Variants in STOML3 observed in about 807,000 individuals in gnomAD.
The protein encoded by STOML3 is stomatin like 3.
Under a neutral mutation model 29.5 loss-of-function variants are expected in STOML3, and 31 were observed. The ratio of observed to expected loss-of-function variants is 1.05; its 90% CI spans 0.79 to 1.42. The LOEUF is 1.42. STOML3 is among the 40% of genes most tolerant of loss of function. The pLI, the probability that STOML3 is intolerant of heterozygous loss-of-function variation, is 0.00. For missense variants in STOML3, 380 were observed against 363.0 expected, an observed-to-expected ratio of 1.05 and a Z score of -0.38; for synonymous variants, 122 against 139.8, an observed-to-expected ratio of 0.87 and a Z score of 0.90.
At chr13:38,970,040 C>T (rs1031510524) in intron 5 of STOML3, 145 bp downstream of exon 5, 2 of 597,078 alleles carry the variant, frequency 3.3e-6, no homozygotes, top group African/African-American at 3.7e-5. Flanking sequence ...ACAACTGAAG[C>T]TCACCTCTAG....
Position 38,968,452 on chromosome 13 carries a change from A to G in STOML3, c.599T>C (p.Leu200Ser), listed in dbSNP as rs777736935. Residue 200 changes from leucine (L) to serine (S), a missense_variant, in exon 6 of 7, where the codon TTG (leucine) becomes TCG (serine). By Grantham distance (145) the Leu-to-Ser change is moderately radical. Coordinates refer to ENST00000379631, the MANE Select transcript of STOML3 (RefSeq NM_145286.3). ...EIKDVRIPVQLQRSMAAEAEA... is the reference protein window; with the variant it reads ...EIKDVRIPVQSQRSMAAEAEA... ...AGCCTCGGCTGCCATGGATCTCTGCAACTGCACGGGAATCCGAACATCTTT... is the reference window on the plus strand; with the variant it reads ...AGCCTCGGCTGCCATGGATCTCTGCGACTGCACGGGAATCCGAACATCTTT... The G allele has an allele frequency of 2.2e-5, 36 of 1,613,988 alleles. No individual in the cohort carries two copies. The East Asian group carries it at 7.8e-4, about 35-fold the overall frequency.
At chr13:38,975,304 GA>G (rs1881031157) in intron 3 of STOML3, among the ~76,000 whole-genome samples, 1 of 147,064 alleles carries the variant, frequency 6.8e-6, no homozygotes, top group Non-Finnish European at 1.5e-5. Context: ...CTGGGCGACA[GA>G]GCGAGACTCT....
Position 38,972,581 on chromosome 13 carries a change from G to A in STOML3, c.243C>T (p.Val81=), listed in dbSNP as rs1880915796. ...TGACAAACACATCTATGCATGGCAG[G>A]ACCAGGATCAAACCTATGAGAGAAA... ...DKAKGPGLIL[V]LPCIDVFVKV... Residue 81 remains valine (V), a synonymous_variant, in exon 4 of 7, where the codon GTC becomes GTT. Transcript: ENST00000379631. The A allele has an allele frequency of 1.2e-6, 2 of 1,613,896 alleles. No individual in the cohort carries two copies. Among genetic ancestry groups the A allele is most frequent in the Non-Finnish European group, 8.5e-7 (1 of 1,179,906 alleles).
At chr13:38,988,650 TTA>T (rs1468121661) in intron 1 of STOML3, among the ~76,000 whole-genome samples, 6 of 135,170 alleles carry the variant, frequency 4.4e-5, no homozygotes, top group South Asian at 2.1e-4. Flanking sequence ...ATCATATATT[TTA>T]TATATATTAT....
chr13:38,976,873 C>T, intron 1 of STOML3, 76 bp from the exon 2 acceptor site: 1 of 1,263,400 alleles, frequency 7.9e-7, no homozygotes, highest in Non-Finnish European at 1.1e-6. Context: ...GGGTGTGGAA[C>T]CTATCCAGAC....
At chr13:38,984,024 C>A (rs1398336703) in intron 1 of STOML3, among the ~76,000 whole-genome samples, 2 of 152,160 alleles carry the variant, frequency 1.3e-5, no homozygotes, top group African/African-American at 4.8e-5. Context: ...AGGCATCCCC[C>A]CCCACAGCAG....
chr13:38,987,677 A>G (rs577540399), intron 1 of STOML3, among the ~76,000 whole-genome samples: 1 of 138,512 alleles, frequency 7.2e-6, no homozygotes, highest in South Asian at 2.1e-4. Context: ...TTTTTAATAT[A>G]TATTATATAT....
chr13:38,966,689 T>A lies in STOML3; in HGVS notation c.*136A>T. On this transcript the variant is annotated 3_prime_UTR_variant, in exon 7 of 7. Transcript: ENST00000379631. ...TTCTCTGTATAGCCTCTAGAGCTTT[T>A]TCCTGCCAATGCTCTTCCATCTATG... The A allele has an allele frequency of 1.3e-6, 1 of 752,252 alleles. No individual in the cohort carries two copies. The highest frequency in any genetic ancestry group is 1.8e-5 in the South Asian group (1 of 55,888). 46.6% of individuals were successfully genotyped at this position (752,252 alleles called of 1,614,324 possible).
At chr13:38,967,287 A>G (rs1880692864) in intron 6 of STOML3, among the ~76,000 whole-genome samples, 1 of 152,124 alleles carries the variant, frequency 6.6e-6, no homozygotes, top group African/African-American at 2.4e-5. Context: ...TTTATCATCA[A>G]ACAAAAATAA....
At chr13:38,985,824 A>AGT (rs2138025401) in intron 1 of STOML3, among the ~76,000 whole-genome samples, 1 of 151,520 alleles carries the variant, frequency 6.6e-6, no homozygotes, top group Non-Finnish European at 1.5e-5. Flanking sequence ...AGTATATAGA[A>AGT]GTATATATAT....
chr13:38,976,662 T>C (rs1881088413), intron 2 of STOML3, 32 bp downstream of exon 2: 2 of 1,613,834 alleles, frequency 1.2e-6, no homozygotes, highest in Non-Finnish European at 1.7e-6. Flanking sequence ...TCAGTTCATA[T>C]AGATAGCCCA....
At chr13:38,984,084 C>T (rs899279926) in intron 1 of STOML3, among the ~76,000 whole-genome samples, 1 of 152,138 alleles carries the variant, frequency 6.6e-6, no homozygotes, top group Non-Finnish European at 1.5e-5. Flanking sequence ...GCCACAACCA[C>T]AAGGCTGCCA....
At position 38,973,084 on chromosome 13, in the gene STOML3, C is replaced by T. The variant is rs1281917711; in HGVS notation, c.230-490G>A. On this transcript the variant is annotated intron_variant, in intron 3 of 6. Transcript: ENST00000379631. ...GACCAGCCTGGCCAACATGGTGAAG[C>T]CCCGTCTCTACTAAAAAAAAAAAAA... Among the ~76,000 whole-genome samples, 9 of 130,394 alleles carry T rather than the reference C, an allele frequency of 6.9e-5. No individual in the cohort carries two copies. In the East Asian group the frequency reaches 2.1e-3, roughly 30 times the overall value. The allele number at this position is 130,394 out of a possible 152,430, so 85.5% of individuals were successfully genotyped here.
At chr13:38,977,845 C>T (rs879535081) in intron 1 of STOML3, among the ~76,000 whole-genome samples, 4 of 149,682 alleles carry the variant, frequency 2.7e-5, no homozygotes, top group Non-Finnish European at 4.4e-5. Context: ...CTGCAAGCTC[C>T]GCCTCCCGGG....
chr13:38,986,933 T>C (rs1025183379), intron 1 of STOML3, among the ~76,000 whole-genome samples: 2 of 152,120 alleles, frequency 1.3e-5, no homozygotes, highest in Non-Finnish European at 1.5e-5. Context: ...TTCTTTTGCA[T>C]GTTAATTTTG....
At chr13:38,984,032 C>T (rs1236155587) in intron 1 of STOML3, among the ~76,000 whole-genome samples, 1 of 152,144 alleles carries the variant, frequency 6.6e-6, no homozygotes, top group Non-Finnish European at 1.5e-5. Flanking sequence ...CCCCCCACAG[C>T]AGCTTCCTCA....
intron 1 of STOML3, among the ~76,000 whole-genome samples, chr13:38,988,220 T>G (rs1868733558): frequency 1.1e-5 from 1 of 91,420 alleles, no homozygotes; most frequent in African/African-American, 5.1e-5. Flanking sequence ...ATATATGATA[T>G]TTTATATCAT....
In STOML3 at chr13:38,966,480, A is replaced by T; in HGVS notation, c.*345T>A. The T allele has an allele frequency of 5.6e-6, 1 of 177,076 alleles. No homozygotes were observed. The allele number at this position is 177,076 out of a possible 1,614,324, so 11.0% of individuals were successfully genotyped here. The stretch of plus-strand genomic sequence containing the variant: ...ATAAATTATCTGGAGTGCTTTTTAA[A>T]ACAATTAAAAAGTAATTCTGAAACA... On this transcript the variant is annotated 3_prime_UTR_variant, in exon 7 of 7. Coordinates refer to ENST00000379631, the MANE Select transcript of STOML3 (RefSeq NM_145286.3).
At chr13:38,982,835 G>A (rs1031824006) in intron 1 of STOML3, among the ~76,000 whole-genome samples, 2 of 152,142 alleles carry the variant, frequency 1.3e-5, no homozygotes. Flanking sequence ...CAATGTAAAT[G>A]GATAGCTTAT....
Sources: gnomAD v4.1 joint callset for allele counts (sites outside exome capture counted in the v4.1 genomes callset) on GRCh38, gnomAD v4.1.1 for gene constraint, MANE v1.5 for transcripts, NCBI Gene and HGNC (gene_info 2026-07-23, HGNC 2026-07-21) for gene names.